Variants in PPM1B observed in about 807,000 individuals in gnomAD.
PPM1B encodes the protein protein phosphatase, Mg2+/Mn2+ dependent 1B.
Under a neutral mutation model 43.0 loss-of-function variants are expected in PPM1B, and 22 were observed. The observed-to-expected ratio is 0.51, with a 90% confidence interval of 0.37 to 0.73. The LOEUF (loss-of-function observed/expected upper bound fraction) is 0.73, where lower values mean the gene tolerates loss of function less well. PPM1B is among the 30% of genes least tolerant of loss of function. PPM1B has a pLI of 0.00. For missense variants in PPM1B, 632 were observed against 584.2 expected (o/e 1.08, Z -0.84); for synonymous variants, 217 against 197.9 (o/e 1.10, Z -0.81).
rs775664951 is a variant in PPM1B, at chr2:44,218,522, T to A, written c.1119T>A (p.His373Gln). Residue 373 changes from histidine to glutamine, a missense_variant, in exon 5 of 6, where the codon CAT becomes CAA. Physicochemically the swap from His to Gln is conservative, Grantham distance 24 (BLOSUM62 0). Transcript: ENST00000282412. ...IEAVYSRLNP[H>Q]RESDGASDEA... ...CTGTTTATAGTAGACTGAATCCACA[T>A]AGAGAAAGTGATGGGGTAAGTTTTA... 1.9e-6 allele frequency: 3 copies of A among 1,583,636 alleles called. No homozygotes were observed. Among genetic ancestry groups the A allele is most frequent in the African/African-American group, 2.7e-5 (2 of 72,978 alleles).
chr2:44,236,887 G>A (rs560950414), downstream of PPM1B, among the ~76,000 whole-genome samples: 1 of 152,194 alleles, frequency 6.6e-6, no homozygotes, highest in South Asian at 2.1e-4. Flanking sequence ...AACGTGATAA[G>A]ATTTCTTGTG....
intron 5 of PPM1B, among the ~76,000 whole-genome samples, chr2:44,224,755 A>G (rs1003166639): frequency 6.6e-6 from 1 of 152,174 alleles, no homozygotes; most frequent in Non-Finnish European, 1.5e-5. Context: ...AATTGCCTTC[A>G]ATTTACTTTA....
Position 44,201,544 on chromosome 2 carries a change from A to G in PPM1B, c.345A>G (p.Glu115=), listed in dbSNP as rs752456284. The stretch of plus-strand genomic sequence containing the variant: ...GAACTGGATTTTTGAAAATTGATGA[A>G]TACATGCGTAACTTTTCAGACCTCA... ...GIRTGFLKID[E]YMRNFSDLRN... The change falls in exon 2 of 6, where the codon GAA becomes GAG. Residue 115 remains glutamate (E), a synonymous_variant. Transcript: ENST00000282412. The surrounding 1 kb of genome is among the most constrained non-coding windows in gnomAD (Gnocchi z 5.4). 1 of 1,614,200 alleles carries G rather than the reference A, an allele frequency of 6.2e-7. No homozygotes were observed. The highest frequency in any genetic ancestry group is 1.1e-5 in the South Asian group (1 of 91,090).
chr2:44,244,556 T>G, downstream of PPM1B: 1 of 230,078 alleles, frequency 4.3e-6, no homozygotes, highest in Non-Finnish European at 7.2e-6. Context: ...AAAGGCAGGC[T>G]TTAATCTGGC....
chr2:44,183,903 T>G (rs1330114534), intron 1 of PPM1B, among the ~76,000 whole-genome samples: 1 of 152,164 alleles, frequency 6.6e-6, no homozygotes, highest in Non-Finnish European at 1.5e-5. Flanking sequence ...CGTCCCTGGC[T>G]AATTTTTTGT....
chr2:44,176,431 A>T (rs935758123), intron 1 of PPM1B, among the ~76,000 whole-genome samples: 1 of 152,228 alleles, frequency 6.6e-6, no homozygotes, highest in African/African-American at 2.4e-5. Flanking sequence ...AAGATGGCTA[A>T]TGGAGCCAAT....
intron 5 of PPM1B, among the ~76,000 whole-genome samples, chr2:44,227,467 G>C (rs1472990146): frequency 6.6e-6 from 1 of 150,898 alleles, no homozygotes; most frequent in Non-Finnish European, 1.5e-5. Flanking sequence ...AACATGAACA[G>C]ATACACAGAC....
chr2:44,202,173 T>C (rs1668970586), intron 2 of PPM1B, 128 bp downstream of exon 2: 7 of 897,094 alleles, frequency 7.8e-6, no homozygotes, highest in Non-Finnish European at 1.1e-5. Context: ...TGAAGTACTT[T>C]ACCAGAAATG....
At chr2:44,215,473 A>AG (rs1669678154) in intron 3 of PPM1B, among the ~76,000 whole-genome samples, 1 of 152,016 alleles carries the variant, frequency 6.6e-6, no homozygotes, top group African/African-American at 2.4e-5. Flanking sequence ...AAAAAAAAAA[A>AG]GTAACTTTTT....
chr2:44,233,583 G>A (rs944591681), downstream of PPM1B: 2 of 985,734 alleles, frequency 2.0e-6, no homozygotes, highest in Non-Finnish European at 2.4e-6. Context: ...ACATTTTCCT[G>A]TATGTTTAAA....
At chr2:44,232,252 A>T, downstream of PPM1B, 1 of 1,567,164 alleles carries the variant, frequency 6.4e-7, no homozygotes, top group South Asian at 1.2e-5. Flanking sequence ...TTTCTTTTGA[A>T]ATTCAATCCA....
At chr2:44,200,806 C>G (rs1334315919) in intron 1 of PPM1B, among the ~76,000 whole-genome samples, 2 of 152,140 alleles carry the variant, frequency 1.3e-5, no homozygotes, top group Non-Finnish European at 2.9e-5. Flanking sequence ...ATGTCGAACC[C>G]TAGACTCACC....
chr2:44,205,397 C>T (rs940327795), intron 2 of PPM1B, among the ~76,000 whole-genome samples: 11 of 107,214 alleles, frequency 1.0e-4, no homozygotes, highest in African/African-American at 4.6e-4. Flanking sequence ...CTGTCTGTTT[C>T]GGTTTTCATG....
At chr2:44,232,935 G>A, downstream of PPM1B, 1 of 978,036 alleles carries the variant, frequency 1.0e-6, no homozygotes, top group Non-Finnish European at 1.2e-6. Context: ...ATGTTGCCTT[G>A]CTTCAAGATA....
chr2:44,183,194 T>A, intron 1 of PPM1B, among the ~76,000 whole-genome samples: 1 of 152,228 alleles, frequency 6.6e-6, no homozygotes, highest in Non-Finnish European at 1.5e-5. Flanking sequence ...ATACCTTTGT[T>A]GTTGGATTGC....
chr2:44,216,762 C>G (rs1346132485), intron 3 of PPM1B, among the ~76,000 whole-genome samples: 1 of 151,990 alleles, frequency 6.6e-6, no homozygotes, highest in Non-Finnish European at 1.5e-5. Flanking sequence ...CCCATCTCTA[C>G]TAAAATACAA....
intron 1 of PPM1B, among the ~76,000 whole-genome samples, chr2:44,189,801 ATGGCT>A (rs1307148791): frequency 6.6e-6 from 1 of 152,078 alleles, no homozygotes; most frequent in Admixed American, 6.6e-5. Context: ...TATCTGCTTT[ATGGCT>A]TCCAAAGGCT....
rs528565118 is a variant in PPM1B, at chr2:44,209,106, G to A, written c.847-104G>A. On this transcript the variant is annotated intron_variant, in intron 2 of 5. Transcript: ENST00000282412. ...AAAAATGAATGTGTTAAACATAAACGTTCTGGATGATTAAATAAACTATAA... is the reference window on the plus strand; with the variant it reads ...AAAAATGAATGTGTTAAACATAAACATTCTGGATGATTAAATAAACTATAA... 2.9e-5 allele frequency: 31 copies of A among 1,053,374 alleles called. No individual in the cohort carries two copies. In the African/African-American group the frequency reaches 3.9e-4, roughly 13 times the overall value. 65.3% of individuals were successfully genotyped at this position (1,053,374 alleles called of 1,614,324 possible).
At chr2:44,190,379 A>C (rs946061023) in intron 1 of PPM1B, among the ~76,000 whole-genome samples, 2 of 151,964 alleles carry the variant, frequency 1.3e-5, no homozygotes, top group Non-Finnish European at 2.9e-5. Flanking sequence ...GGCTGGTCTC[A>C]AACTCTTGAA....
Sources: gnomAD v4.1 joint callset for allele counts (sites outside exome capture counted in the v4.1 genomes callset) on GRCh38, gnomAD v4.1.1 for gene constraint, Gnocchi (gnomAD v3.1) non-coding constraint, MANE v1.5 for transcripts, NCBI Gene and HGNC (gene_info 2026-07-23, HGNC 2026-07-21) for gene names.